ZNF90: variants seen among roughly 807,000 people sequenced by gnomAD.
The protein encoded by ZNF90 is zinc finger protein HTF9.
A neutral mutation model predicts 12.0 loss-of-function variants in ZNF90; 11 were observed. The ratio of observed to expected loss-of-function variants is 0.92; its 90% confidence interval spans 0.58 to 1.52. The LOEUF is 1.52. Among genes scored for constraint, ZNF90 ranks in the 40% most tolerant of loss-of-function variants. The probability of loss-of-function intolerance (pLI) is 0.00; values close to 1 mark genes in which losing one functional copy is unlikely to be tolerated. For synonymous variants in ZNF90, 232 were observed against 240.1 expected (o/e 0.97, Z 0.31); for missense variants, 765 against 711.5 (o/e 1.08, Z -0.86).
At chr19:20,107,345 T>C (rs2089048941) in intron 3 of ZNF90, among the ~76,000 whole-genome samples, 1 of 152,172 alleles carries the variant, frequency 6.6e-6, no homozygotes, top group Admixed American at 6.5e-5. Context: ...ATAAACCCGA[T>C]CCTGGTCTGT....
intron 3 of ZNF90, among the ~76,000 whole-genome samples, chr19:20,106,044 C>CTTTT (rs56933917): frequency 6.9e-4 from 49 of 71,044 alleles, no homozygotes; most frequent in Non-Finnish European, 9.7e-4. Context: ...CTAATTTTTT[C>CTTTT]TTTTTTTTTT....
chr19:20,095,147 G>A (rs28753181), intron 1 of ZNF90, among the ~76,000 whole-genome samples: 3,734 of 152,076 alleles, frequency 0.025, 139 homozygotes, highest in African/African-American at 0.086. Flanking sequence ...GGGGACAGGC[G>A]GGAGGGAAAG....
Position 20,117,749 on chromosome 19 carries a change from T to G in ZNF90, c.227-32T>G, listed in dbSNP as rs200352574. Reference sequence around the variant, plus strand: ...ACCTGTATTTATCAGAATCTAGCAATTGAAGTAATGTGTTCTTATTGTTTC... The same window carrying G: ...ACCTGTATTTATCAGAATCTAGCAAGTGAAGTAATGTGTTCTTATTGTTTC... On this transcript the variant is annotated intron_variant, in intron 3 of 3. Coordinates refer to ENST00000418063, the MANE Select transcript of ZNF90 (RefSeq NM_007138.2). 1.7e-4 allele frequency: 254 copies of G among 1,456,908 alleles called. 1 individual carries two copies. The highest frequency in any genetic ancestry group is 4.2e-5 in the Non-Finnish European group (46 of 1,105,626). 90.2% of individuals were successfully genotyped at this position (1,456,908 alleles called of 1,614,324 possible).
At chr19:20,099,424 T>TC (rs782563838) in intron 1 of ZNF90, among the ~76,000 whole-genome samples, 2 of 152,220 alleles carry the variant, frequency 1.3e-5, no homozygotes, top group Non-Finnish European at 2.9e-5. Context: ...TGTGGTTTTT[T>TC]CCCTCAATCA....
intron 3 of ZNF90, among the ~76,000 whole-genome samples, chr19:20,106,044 C>CATTGTTT (rs1555704366): frequency 1.4e-5 from 1 of 71,058 alleles, no homozygotes; most frequent in African/African-American, 5.3e-5. Context: ...CTAATTTTTT[C>CATTGTTT]TTTTTTTTTT....
chr19:20,079,223 C>A (rs936414976), intron 1 of ZNF90, among the ~76,000 whole-genome samples: 10 of 151,780 alleles, frequency 6.6e-5, no homozygotes, highest in Non-Finnish European at 1.0e-4. Context: ...TTTCAAAAAC[C>A]CAGTGAATAA....
chr19:20,103,392 GCTTTCTTCCCAACCCTCAA>G (rs1429426820), intron 1 of ZNF90, among the ~76,000 whole-genome samples: 2 of 152,202 alleles, frequency 1.3e-5, no homozygotes, highest in Non-Finnish European at 2.9e-5. Flanking sequence ...CCCTGCCTCA[GCTTTCTTCCCAACCCTCAA>G]CTTTTTTCTC....
rs1351825875 is a variant in ZNF90, at chr19:20,120,068, T to C, written c.*708T>C. Reference sequence around the variant, plus strand: ...CAAATCCTTTATATGGTTGCAAGACTTGATTGTAGGTAAGATAATTCATAC... The same window carrying C: ...CAAATCCTTTATATGGTTGCAAGACCTGATTGTAGGTAAGATAATTCATAC... On this transcript the variant is annotated 3_prime_UTR_variant, in exon 4 of 4. Coordinates refer to ENST00000418063, the MANE Select transcript of ZNF90 (RefSeq NM_007138.2). Among the ~76,000 whole-genome samples, 5 of 152,212 alleles carry C rather than the reference T, an allele frequency of 3.3e-5. No homozygotes were observed. Among genetic ancestry groups the C allele is most frequent in the African/African-American group, 1.2e-4 (5 of 41,468 alleles).
chr19:20,083,263 G>A (rs1345505889), intron 1 of ZNF90, among the ~76,000 whole-genome samples: 1 of 151,876 alleles, frequency 6.6e-6, no homozygotes, highest in Non-Finnish European at 1.5e-5. Flanking sequence ...CCCACCCGAT[G>A]AGAAATACTC....
intron 1 of ZNF90, among the ~76,000 whole-genome samples, chr19:20,090,532 A>G (rs895052109): frequency 6.6e-6 from 1 of 152,166 alleles, no homozygotes; most frequent in African/African-American, 2.4e-5. Flanking sequence ...GTCGGGGACT[A>G]TAGATGACTA....
rs116532167 is a variant in ZNF90, at chr19:20,083,340, T to G, written c.3+5205T>G. Among the ~76,000 whole-genome samples, 1,025 of 152,270 alleles carry G rather than the reference T, an allele frequency of 6.7e-3. 9 individuals are homozygous for G. Among genetic ancestry groups the G allele is most frequent in the African/African-American group, 0.023 (970 of 41,530 alleles). ...CTTTTTTTTTTGTTTTTTGTTTTGT[T>G]TTTTGAGATGAAGTTTTGCTCTTGT... On this transcript the variant is annotated intron_variant, in intron 1 of 3. Coordinates refer to ENST00000418063, the MANE Select transcript of ZNF90 (RefSeq NM_007138.2).
At chr19:20,110,760 G>A (rs2089081978) in intron 3 of ZNF90, among the ~76,000 whole-genome samples, 2 of 151,790 alleles carry the variant, frequency 1.3e-5, no homozygotes, top group Admixed American at 1.3e-4. Context: ...TGTCATTGTG[G>A]GTTTTTCTTT....
chr19:20,085,808 CTTT>C (rs1329581261), intron 1 of ZNF90, among the ~76,000 whole-genome samples: 80 of 151,932 alleles, frequency 5.3e-4, no homozygotes, highest in Admixed American at 5.2e-4. Context: ...CTAAATAAAC[CTTT>C]TGTCATTTTT....
At chr19:20,101,684 T>A (rs1555703914) in intron 1 of ZNF90, among the ~76,000 whole-genome samples, 2 of 152,182 alleles carry the variant, frequency 1.3e-5, no homozygotes, top group African/African-American at 4.8e-5. Flanking sequence ...ACTGACACCT[T>A]TAAAGGCATA....
chr19:20,092,191 C>A (rs904467888), intron 1 of ZNF90, among the ~76,000 whole-genome samples: 1 of 151,942 alleles, frequency 6.6e-6, no homozygotes, highest in African/African-American at 2.4e-5. Flanking sequence ...GCAGAAGGAG[C>A]CGGGGAGCAG....
intron 1 of ZNF90, among the ~76,000 whole-genome samples, chr19:20,082,303 A>G (rs1226082997): frequency 6.6e-6 from 1 of 152,168 alleles, no homozygotes; most frequent in African/African-American, 2.4e-5. Flanking sequence ...GCTCTTACTT[A>G]TAAATAATAA....
chr19:20,095,300 A>C (rs1555703128), intron 1 of ZNF90, among the ~76,000 whole-genome samples: 1 of 152,174 alleles, frequency 6.6e-6, no homozygotes, highest in Non-Finnish European at 1.5e-5. Flanking sequence ...GAAGAAATCG[A>C]AAGTGCCGTT....
Position 20,117,933 on chromosome 19 carries a change from A to C in ZNF90, c.379A>C (p.Lys127Gln). Residue 127 changes from lysine (K) to glutamine (Q), a missense_variant, in exon 4 of 4, where the codon AAA becomes CAA. By Grantham distance (53) the Lys-to-Gln change is moderately conservative. Coordinates refer to ENST00000418063, the MANE Select transcript of ZNF90 (RefSeq NM_007138.2). Reference sequence around the variant, plus strand: ...AAGTGTGGATGAGGGTAAAGTACACAAAAGAGGTTATAATGGACTTAACCA... The same window carrying C: ...AAGTGTGGATGAGGGTAAAGTACACCAAAGAGGTTATAATGGACTTAACCA... ...CESVDEGKVH[K>Q]RGYNGLNQCL... is the part of the protein sequence containing the mutation. 6.2e-7 allele frequency: 1 copy of C among 1,613,592 alleles called. No individual in the cohort carries two copies. The highest frequency in any genetic ancestry group is 1.1e-5 in the South Asian group (1 of 90,956).
At chr19:20,104,427 G>A in intron 2 of ZNF90, 62 bp downstream of exon 2, 2 of 1,521,832 alleles carry the variant, frequency 1.3e-6, no homozygotes, top group Admixed American at 2.2e-5. Context: ...ATGTTTTTTT[G>A]TGGAATGATT....
Sources: allele counts gnomAD v4.1 joint callset (sites outside exome capture counted in the v4.1 genomes callset), GRCh38; gene constraint gnomAD v4.1.1; transcripts MANE v1.5; gene names NCBI Gene and HGNC (gene_info 2026-07-23, HGNC 2026-07-21).